COBLL1: variants seen among roughly 807,000 people sequenced by gnomAD.
COBLL1 encodes cordon-bleu WH2 repeat protein like 1, also known as cordon-bleu protein-like 1.
Under a neutral mutation model 94.8 loss-of-function variants are expected in COBLL1, and 50 were observed. That is an observed-to-expected ratio of 0.53 (90% CI 0.42 to 0.67). COBLL1 has a LOEUF of 0.67. COBLL1 is among the 30% of genes least tolerant of loss of function. COBLL1 has a pLI of 0.00. For synonymous variants in COBLL1, 448 were observed against 473.8 expected (o/e 0.95, Z 0.71); for missense variants, 1,362 against 1,348.7 (o/e 1.01, Z -0.15).
At chr2:164,743,391 C>T (rs1686695851) in intron 3 of COBLL1, 2 of 226,680 alleles carry the variant, frequency 8.8e-6, no homozygotes, top group African/African-American at 2.3e-5. Flanking sequence ...TAACTAATGG[C>T]CATTCCTCCA....
At chr2:164,701,589 A>G (rs1376257626) in intron 9 of COBLL1, among the ~76,000 whole-genome samples, 2 of 152,176 alleles carry the variant, frequency 1.3e-5, no homozygotes, top group African/African-American at 2.4e-5. Context: ...TTTTCCACTT[A>G]CAATATCTTA....
rs1683634992 is a variant in COBLL1, at chr2:164,841,734, C to G, written c.-75G>C. The G allele has an allele frequency of 3.8e-6, 2 of 524,318 alleles. No individual in the cohort carries two copies. Among genetic ancestry groups the G allele is most frequent in the Admixed American group, 3.8e-5 (1 of 26,658 alleles). The allele number at this position is 524,318 out of a possible 1,614,324, so 32.5% of individuals were successfully genotyped here. On this transcript the variant is annotated 5_prime_UTR_variant, in exon 1 of 14. Transcript: ENST00000652658. The surrounding 1 kb of genome is among the most constrained non-coding windows in gnomAD (Gnocchi z 5.5). Reference sequence around the variant, plus strand: ...CGTTCTTTTCCAAAGGAGACAGTAGCTCGCCTGTTCTCCCTCGCGGCTTCC... The same window carrying G: ...CGTTCTTTTCCAAAGGAGACAGTAGGTCGCCTGTTCTCCCTCGCGGCTTCC...
chr2:164,694,161 G>A (rs1574418835), intron 12 of COBLL1, 108 bp downstream of exon 12: 2 of 1,048,012 alleles, frequency 1.9e-6, no homozygotes, highest in East Asian at 4.8e-5. Context: ...AATTTCAGAT[G>A]AATATGAGTT....
chr2:164,766,367 T>A (rs547107470), intron 2 of COBLL1, among the ~76,000 whole-genome samples: 3 of 152,126 alleles, frequency 2.0e-5, no homozygotes, highest in Admixed American at 6.6e-5. Context: ...TGGAGCCAGA[T>A]GGGAGGTGAC....
At chr2:164,771,751 C>T (rs1030633683) in intron 2 of COBLL1, among the ~76,000 whole-genome samples, 1 of 151,938 alleles carries the variant, frequency 6.6e-6, no homozygotes, top group Non-Finnish European at 1.5e-5. Context: ...ATCTACTTTC[C>T]TTTGACAAGA....
chr2:164,667,815 A>G (rs1691186219), intron 1 of COBLL1, among the ~76,000 whole-genome samples: 1 of 152,130 alleles, frequency 6.6e-6, no homozygotes, highest in Non-Finnish European at 1.5e-5. Flanking sequence ...CTGTCTCCAT[A>G]TTAGCAATAA....
intron 2 of COBLL1, among the ~76,000 whole-genome samples, chr2:164,777,481 T>C (rs568358461): frequency 2.6e-5 from 4 of 152,266 alleles, no homozygotes; most frequent in Non-Finnish European, 5.9e-5. Flanking sequence ...ACGTTTTGTA[T>C]ATGCACCTAT....
At chr2:164,687,269 GCA>G in intron 13 of COBLL1, 1 of 544,212 alleles carries the variant, frequency 1.8e-6, no homozygotes, top group Non-Finnish European at 3.3e-6. Context: ...AAGAGGGGAA[GCA>G]CAGTGAAAGC....
At chr2:164,700,840 A>G (rs1230619267) in intron 9 of COBLL1, 84 bp from the exon 10 acceptor site, 2 of 796,248 alleles carry the variant, frequency 2.5e-6, no homozygotes, top group African/African-American at 3.5e-5. Flanking sequence ...AATTTTGAAA[A>G]ATAATAATTA....
chr2:164,798,770 A>G (rs1683606460), intron 2 of COBLL1, among the ~76,000 whole-genome samples: 1 of 151,306 alleles, frequency 6.6e-6, no homozygotes, highest in African/African-American at 2.4e-5. Context: ...CTGTAATCCC[A>G]GCACTTTGGG....
chr2:164,787,799 T>C (rs1401115736), intron 2 of COBLL1, among the ~76,000 whole-genome samples: 1 of 152,198 alleles, frequency 6.6e-6, no homozygotes, highest in Non-Finnish European at 1.5e-5. Flanking sequence ...GTATTTACTA[T>C]AATAATAGCT....
intron 2 of COBLL1, among the ~76,000 whole-genome samples, chr2:164,805,923 G>T (rs997877963): frequency 6.6e-6 from 1 of 152,144 alleles, no homozygotes; most frequent in Non-Finnish European, 1.5e-5. Context: ...CTTCCCAAGT[G>T]GCTGTGCCAT....
intron 2 of COBLL1, among the ~76,000 whole-genome samples, chr2:164,804,553 T>C (rs1683991241): frequency 6.6e-6 from 1 of 152,188 alleles, no homozygotes; most frequent in Non-Finnish European, 1.5e-5. Flanking sequence ...GGGGGCTCAA[T>C]TCTTATCAGA....
Position 164,684,184 on chromosome 2 carries a change from T to C in COBLL1, c.*1762A>G, listed in dbSNP as rs912336296. ...AAGAGTATTTTTTTTCCATGTTTGT[T>C]GGCCTTTTGAATTTCCTCTTGTAAG... On this transcript the variant is annotated 3_prime_UTR_variant, in exon 14 of 14. Coordinates refer to ENST00000652658, the MANE Select transcript of COBLL1 (RefSeq NM_001365672.2). 2 of 152,178 alleles carry C rather than the reference T, an allele frequency of 1.3e-5. No individual in the cohort carries two copies. The highest frequency in any genetic ancestry group is 2.9e-5 in the Non-Finnish European group (2 of 68,010). The allele number at this position is 152,178 out of a possible 1,614,324, so 9.4% of individuals were successfully genotyped here. A position where few individuals can be genotyped will look rare whatever the true frequency, so the allele number is the denominator to read the frequency against.
At chr2:164,661,007 A>G (rs1223609873) in intron 2 of COBLL1, among the ~76,000 whole-genome samples, 1 of 152,188 alleles carries the variant, frequency 6.6e-6, no homozygotes, top group Non-Finnish European at 1.5e-5. Context: ...AGCTTAACAT[A>G]AAATCTTTCA....
intron 2 of COBLL1, among the ~76,000 whole-genome samples, chr2:164,834,284 A>G (rs1427347377): frequency 1.3e-5 from 2 of 152,320 alleles, no homozygotes; most frequent in East Asian, 1.9e-4. Context: ...TCGTTTCTAA[A>G]TATCTTCTTA....
chr2:164,807,189 T>TA (rs1347134611), intron 2 of COBLL1, among the ~76,000 whole-genome samples: 2 of 152,144 alleles, frequency 1.3e-5, no homozygotes, highest in African/African-American at 4.8e-5. Flanking sequence ...CTCACACCTG[T>TA]AATCCCAGCA....
chr2:164,758,067 C>T (rs990182335), intron 2 of COBLL1, among the ~76,000 whole-genome samples: 2 of 152,026 alleles, frequency 1.3e-5, no homozygotes, highest in Non-Finnish European at 1.5e-5. Context: ...AACAAACGAG[C>T]GATTTGAGAA....
At chr2:164,801,210 C>T (rs957417674) in intron 2 of COBLL1, among the ~76,000 whole-genome samples, 1 of 151,686 alleles carries the variant, frequency 6.6e-6, no homozygotes, top group Non-Finnish European at 1.5e-5. Flanking sequence ...GAGGCCGAGG[C>T]AGGCGGATCA....
Sources: gnomAD v4.1 joint callset for allele counts (sites outside exome capture counted in the v4.1 genomes callset) on GRCh38, gnomAD v4.1.1 for gene constraint, Gnocchi (gnomAD v3.1) non-coding constraint, MANE v1.5 for transcripts, NCBI Gene and HGNC (gene_info 2026-07-23, HGNC 2026-07-21) for gene names.